UNK: variants seen among roughly 807,000 people sequenced by gnomAD.
The protein encoded by UNK is unk zinc finger.
In UNK, 32 loss-of-function variants were observed where a neutral mutation model predicts 97.6. That is an observed-to-expected ratio of 0.33 (90% CI 0.25 to 0.44). The LOEUF (loss-of-function observed/expected upper bound fraction) is 0.44. Ranked by LOEUF, UNK falls within the 20% of genes least tolerant of loss-of-function variation. The pLI, the probability that UNK is intolerant of heterozygous loss-of-function variation, is 1.00. For synonymous variants in UNK, 441 were observed against 461.2 expected (o/e 0.96, Z 0.56); for missense variants, 771 against 1,098.4 (o/e 0.70, Z 4.21).
At chr17:75,795,342 GTTGT>G (rs2061796434) in intron 1 of UNK, among the ~76,000 whole-genome samples, 1 of 151,800 alleles carries the variant, frequency 6.6e-6, no homozygotes, top group Admixed American at 6.6e-5. Flanking sequence ...TGTTGTTGTT[GTTGT>G]TTTTGGTTTT....
chr17:75,809,575 TG>T (rs2061949776), intron 1 of UNK, among the ~76,000 whole-genome samples, 184 bp from the exon 2 acceptor site: 1 of 152,240 alleles, frequency 6.6e-6, no homozygotes, highest in South Asian at 2.1e-4. Context: ...GGTGTGGGAC[TG>T]GGGTGTTGGT....
intron 1 of UNK, among the ~76,000 whole-genome samples, chr17:75,796,136 A>G (rs2061803817): frequency 6.6e-6 from 1 of 151,738 alleles, no homozygotes; most frequent in Non-Finnish European, 1.5e-5. Context: ...GGGATCAAAG[A>G]CTCCCTTAAA....
chr17:75,824,126 G>A lies in UNK; in HGVS notation c.2278-136G>A. 1 of 1,084,752 alleles carries A rather than the reference G, an allele frequency of 9.2e-7. No homozygotes were observed. The highest frequency in any genetic ancestry group is 1.8e-5 in the South Asian group (1 of 56,062). The allele number at this position is 1,084,752 out of a possible 1,614,324, so 67.2% of individuals were successfully genotyped here. A position where few individuals can be genotyped will look rare whatever the true frequency, so the allele number is the denominator to read the frequency against. On this transcript the variant is annotated intron_variant, in intron 15 of 15. Transcript: ENST00000589666. This position sits in a 1 kb window ranked among gnomAD's most constrained non-coding sequence, Gnocchi z 4.9. ...AGCCTGCTCTCTCACCTGCCAACAG[G>A]GGTCTGGGAGCACACTGTTGAGCTC...
Position 75,817,377 on chromosome 17 carries a change from C to T in UNK, c.1156C>T (p.Pro386Ser). ...CAGCCCGTCTAACCTCTGCGGCTCC[C>T]CACCGGGCTCCATCAGGAAGCCCCC... ...LGSPSNLCGS[P>S]PGSIRKPPNL... The change falls in exon 9 of 16, where the codon CCA (proline) becomes TCA (serine). Residue 386 changes from proline to serine, a missense_variant. Coordinates refer to ENST00000589666, the MANE Select transcript of UNK (RefSeq NM_001080419.3). The surrounding 1 kb of genome is among the most constrained non-coding windows in gnomAD (Gnocchi z 5.8). 1 of 1,610,362 alleles carries T rather than the reference C, an allele frequency of 6.2e-7. No homozygotes were observed. The highest frequency in any genetic ancestry group is 8.5e-7 in the Non-Finnish European group (1 of 1,177,868).
intron 1 of UNK, among the ~76,000 whole-genome samples, chr17:75,794,673 A>G (rs548680477): frequency 6.6e-6 from 1 of 152,058 alleles, no homozygotes; most frequent in Admixed American, 6.6e-5. Context: ...AATAGTCAGC[A>G]TGGTAGTTAA....
chr17:75,815,358 A>G (rs2062007737), intron 7 of UNK, 105 bp downstream of exon 7: 1 of 1,071,196 alleles, frequency 9.3e-7, no homozygotes. Flanking sequence ...TGCCCTGCAC[A>G]GGAGTTCTGG....
chr17:75,796,386 A>C (rs2061806058), intron 1 of UNK, among the ~76,000 whole-genome samples: 1 of 150,862 alleles, frequency 6.6e-6, no homozygotes, highest in Admixed American at 6.6e-5. Flanking sequence ...TGACGTAATC[A>C]TAGCTCACTG....
chr17:75,822,973 CCTGTCCAG>C (rs1445550254), intron 14 of UNK, among the ~76,000 whole-genome samples: 3 of 152,180 alleles, frequency 2.0e-5, no homozygotes, highest in African/African-American at 7.2e-5. Flanking sequence ...AAATGGGCCC[CCTGTCCAG>C]CTGCAGCCGG....
intron 1 of UNK, chr17:75,792,629 G>A (rs1370148877): frequency 2.7e-6 from 1 of 367,724 alleles, no homozygotes; most frequent in East Asian, 1.6e-4. Context: ...ACCCCAGCCA[G>A]TCATCTTAAA....
rs555692900 is a variant in UNK, at chr17:75,809,816, C to T, written c.161C>T (p.Thr54Met). 22 of 1,613,604 alleles carry T rather than the reference C, an allele frequency of 1.4e-5. No homozygotes were observed. The highest frequency in any genetic ancestry group is 8.3e-5 in the Admixed American group (5 of 59,956). The change falls in exon 2 of 16, where the codon ACG becomes ATG. Residue 54 changes from threonine (T) to methionine (M), a missense_variant. By Grantham distance (81) the Thr-to-Met change is moderately conservative. Transcript: ENST00000589666. ...CCACTCTTTGTGCAACACAAATGCA[C>T]GCAGCATCGGCCCTACACCTGCTTC... ...QCPLFVQHKC[T>M]QHRPYTCFHW... is the part of the protein sequence containing the mutation.
At chr17:75,797,609 G>T (rs2061818570) in intron 1 of UNK, among the ~76,000 whole-genome samples, 3 of 152,224 alleles carry the variant, frequency 2.0e-5, no homozygotes, top group Admixed American at 6.5e-5. Context: ...TAGCTTATTA[G>T]GGATATGGGC....
At chr17:75,814,706 G>T (rs1312084081) in intron 6 of UNK, among the ~76,000 whole-genome samples, 2 of 152,186 alleles carry the variant, frequency 1.3e-5, no homozygotes, top group Non-Finnish European at 2.9e-5. Flanking sequence ...TGGAAGCCAG[G>T]ACACCCTGAG....
At position 75,824,142 on chromosome 17, in the gene UNK, T is replaced by A; in HGVS notation, c.2278-120T>A. The A allele has an allele frequency of 8.0e-7, 1 of 1,256,714 alleles. No homozygotes were observed. Among genetic ancestry groups the A allele is most frequent in the Non-Finnish European group, 1.1e-6 (1 of 949,376 alleles). The allele number at this position is 1,256,714 out of a possible 1,614,324, so 77.8% of individuals were successfully genotyped here. A position where few individuals can be genotyped will look rare whatever the true frequency, so the allele number is the denominator to read the frequency against. On this transcript the variant is annotated intron_variant, in intron 15 of 15. Coordinates refer to ENST00000589666, the MANE Select transcript of UNK (RefSeq NM_001080419.3). The surrounding 1 kb of genome is among the most constrained non-coding windows in gnomAD (Gnocchi z 4.9). The stretch of plus-strand genomic sequence containing the variant: ...TGCCAACAGGGGTCTGGGAGCACAC[T>A]GTTGAGCTCGGTACCTCAGTTTTCC...
chr17:75,784,916 T>C lies in UNK; in HGVS notation c.36T>C (p.Ala12=). ...SKGPGPGGSA[A]SSAPPAATAQ... ...GCCCCGGGCCCGGCGGCTCCGCAGC[T>C]TCCTCGGCGCCCCCGGCCGCTACCG... The change falls in exon 1 of 16, where the codon GCT becomes GCC. Residue 12 remains alanine, a synonymous_variant. Coordinates refer to ENST00000589666, the MANE Select transcript of UNK (RefSeq NM_001080419.3). 2 of 1,565,808 alleles carry C rather than the reference T, an allele frequency of 1.3e-6. No homozygotes were observed. Among genetic ancestry groups the C allele is most frequent in the Non-Finnish European group, 1.7e-6 (2 of 1,159,290 alleles).
intron 1 of UNK, among the ~76,000 whole-genome samples, chr17:75,802,322 A>C (rs1367202860): frequency 7.8e-6 from 1 of 127,496 alleles, no homozygotes. Context: ...GCAGTGGTGC[A>C]ACCGTAGCTC....
At chr17:75,823,647 C>CA in intron 15 of UNK, 125 bp downstream of exon 15, 1 of 1,337,106 alleles carries the variant, frequency 7.5e-7, no homozygotes, top group Non-Finnish European at 9.9e-7. Context: ...CAGCACTGGG[C>CA]CAGCACTCAA....
In UNK at chr17:75,784,951, T is replaced by G. The variant is rs1376015140; in HGVS notation, c.71T>G (p.Leu24Arg). Reference sequence around the variant, plus strand: ...CCCCCGGCCGCTACCGCTCAGGTGCTGCAGGCACAGCCCGAGAAACCGCAG... The same window carrying G: ...CCCCCGGCCGCTACCGCTCAGGTGCGGCAGGCACAGCCCGAGAAACCGCAG... ...SAPPAATAQV[L>R]QAQPEKPQHY... The change falls in exon 1 of 16, where the codon CTG becomes CGG. Residue 24 changes from leucine (L) to arginine (R), a missense_variant. Physicochemically the swap from Leu to Arg is moderately radical, Grantham distance 102. Around this residue, in one of 5 missense-constraint regions of UNK, gnomAD observed 246 missense variants for 440.7 expected, o/e 0.56. Coordinates refer to ENST00000589666, the MANE Select transcript of UNK (RefSeq NM_001080419.3). 4.6e-6 allele frequency: 7 copies of G among 1,535,580 alleles called. No individual in the cohort carries two copies. Among genetic ancestry groups the G allele is most frequent in the African/African-American group, 1.4e-5 (1 of 71,192 alleles).
Position 75,819,516 on chromosome 17 carries a change from T to C in UNK, c.1547-168T>C. The C allele has an allele frequency of 1.6e-6, 1 of 624,520 alleles. No individual in the cohort carries two copies. Among genetic ancestry groups the C allele is most frequent in the Non-Finnish European group, 2.8e-6 (1 of 352,794 alleles). 38.7% of individuals were successfully genotyped at this position (624,520 alleles called of 1,614,324 possible). A position where few individuals can be genotyped will look rare whatever the true frequency, so the allele number is the denominator to read the frequency against. On this transcript the variant is annotated intron_variant, in intron 11 of 15. Coordinates refer to ENST00000589666, the MANE Select transcript of UNK (RefSeq NM_001080419.3). The surrounding 1 kb of genome is among the most constrained non-coding windows in gnomAD (Gnocchi z 5.4). The stretch of plus-strand genomic sequence containing the variant: ...CATGACTGGCAGACGGTGTCAGAAG[T>C]CAGGAGTCAGGATTGGCATAGGAAG...
chr17:75,798,694 A>T (rs1321884795), intron 1 of UNK, among the ~76,000 whole-genome samples: 1 of 151,114 alleles, frequency 6.6e-6, no homozygotes, highest in Non-Finnish European at 1.5e-5. Flanking sequence ...TGGTTGTTGG[A>T]GGAAATAGAA....
Sources: gnomAD v4.1 joint callset for allele counts (sites outside exome capture counted in the v4.1 genomes callset) on GRCh38, gnomAD v4.1.1 for gene constraint, gnomAD v4.1.1 regional missense constraint, Gnocchi (gnomAD v3.1) non-coding constraint, MANE v1.5 for transcripts, NCBI Gene and HGNC (gene_info 2026-07-23, HGNC 2026-07-21) for gene names.